TEX15: variants seen among roughly 807,000 people sequenced by gnomAD.
TEX15 encodes the protein testis expressed 15, meiosis and synapsis associated, also known as testis-expressed protein 15.
In TEX15, 171 loss-of-function variants were observed where a neutral mutation model predicts 237.3. The observed-to-expected ratio is 0.72, with a 90% CI of 0.64 to 0.82. The LOEUF (loss-of-function observed/expected upper bound fraction) is 0.82. TEX15 is among the 40% of genes least tolerant of loss of function. The pLI is 0.00. For missense variants in TEX15, 3,750 were observed against 3,646.5 expected, an observed-to-expected ratio of 1.03 and a Z score of -0.73; for synonymous variants, 1,338 against 1,269.8, an observed-to-expected ratio of 1.05 and a Z score of -1.14.
chr8:30,834,510 G>A (rs967808737), intron 10 of TEX15, among the ~76,000 whole-genome samples: 3 of 152,116 alleles, frequency 2.0e-5, no homozygotes, highest in Non-Finnish European at 4.4e-5. Context: ...ATGTTCTTAG[G>A]TGAAAAATTT....
rs767322905 is a variant in TEX15 at position 30,846,593 on chromosome 8, C to T, written c.3574G>A (p.Glu1192Lys). 23 of 1,613,698 alleles carry T rather than the reference C, an allele frequency of 1.4e-5. No individual in the cohort carries two copies. The highest frequency in any genetic ancestry group is 4.0e-5 in the African/African-American group (3 of 74,904). Residue 1192 changes from glutamate to lysine, a missense_variant, in exon 8 of 11, where the codon GAA (glutamate) becomes AAA (lysine). Coordinates refer to ENST00000643185, the MANE Select transcript of TEX15 (RefSeq NM_001350162.2). ...ATTTCTCCATCTTCCTTATTTATTT[C>T]CGGTTTTGTGGCTTCAGTTACATGT... is the stretch of plus-strand genomic sequence containing the variant. ...CTHVTEATKP[E>K]INKEDGEILG...
chr8:30,890,599 C>A (rs1017424676), intron 2 of TEX15: 5 of 152,170 alleles, frequency 3.3e-5, no homozygotes, highest in Non-Finnish European at 1.5e-5. Flanking sequence ...CGTGGCCTCT[C>A]TCTGTTTAAC....
Position 30,860,050 on chromosome 8 carries a change from A to C in TEX15, c.548T>G (p.Phe183Cys), listed in dbSNP as rs1808009662. The C allele has an allele frequency of 1.4e-6, 2 of 1,480,362 alleles. No individual in the cohort carries two copies. Among genetic ancestry groups the C allele is most frequent in the African/African-American group, 2.9e-5 (2 of 69,236 alleles). The allele number at this position is 1,480,362 out of a possible 1,614,324, so 91.7% of individuals were successfully genotyped here. A position where few individuals can be genotyped will look rare whatever the true frequency, so the allele number is the denominator to read the frequency against. ...AGGTTGGATTTTCTTCACTTTTCCA[A>C]AGAGAACCTAAAAAAAAAAAAGCCA... ...VESILIFKVL[F>C]GKVKKIQPSV... Residue 183 changes from phenylalanine to cysteine, a missense_variant, in exon 6 of 11, where the codon TTT (phenylalanine) becomes TGT (cysteine). Transcript: ENST00000643185.
rs757405484 is a variant in TEX15, at chr8:30,837,620, C to A, written c.8664G>T (p.Val2888=). The part of the protein sequence containing the change: ...DINPETDVSL[V]PDASVLSKPI... Reference sequence around the variant, plus strand: ...GCTTTGAGAGCACCGACGCATCAGGCACAAGAGAAACATCAGTTTCTGGGT... The same window carrying A: ...GCTTTGAGAGCACCGACGCATCAGGAACAAGAGAAACATCAGTTTCTGGGT... Residue 2888 remains valine, a synonymous_variant, in exon 10 of 11, where the codon GTG becomes GTT. Transcript: ENST00000643185. 13 of 1,614,052 alleles carry A rather than the reference C, an allele frequency of 8.1e-6. No homozygotes were observed. In the South Asian group the frequency reaches 1.4e-4, roughly 18 times the overall value.
At chr8:30,889,743 T>C (rs1362178286) in intron 2 of TEX15, among the ~76,000 whole-genome samples, 3 of 151,922 alleles carry the variant, frequency 2.0e-5, no homozygotes, top group Non-Finnish European at 2.9e-5. Flanking sequence ...ACTTCAACCA[T>C]GTTAAAGTGA....
rs777407061 is a variant in TEX15, at chr8:30,843,811, C to A, written c.6356G>T (p.Gly2119Val). Residue 2119 changes from glycine (G) to valine (V), a missense_variant, in exon 8 of 11, where the codon GGA (glycine) becomes GTA (valine). By Grantham distance (109) the Gly-to-Val change is moderately radical (BLOSUM62 -3). Transcript: ENST00000643185. ...ATAGAAATTAGACTGCTGTTGAAAT[C>A]CACGTGGTTTTCCAAGAAGCTCAGC... ...LYAELLGKPR[G>V]FQQQSNFYPG... The A allele has an allele frequency of 6.2e-7, 1 of 1,613,056 alleles. No homozygotes were observed. The highest frequency in any genetic ancestry group is 1.1e-5 in the South Asian group (1 of 90,862).
At chr8:30,897,142 G>A (rs1030552816) in intron 2 of TEX15, among the ~76,000 whole-genome samples, 4 of 152,094 alleles carry the variant, frequency 2.6e-5, no homozygotes, top group African/African-American at 9.7e-5. Context: ...ACAAGAAGTC[G>A]GCAGACGTAG....
chr8:30,874,876 TA>T (rs1808369404), intron 4 of TEX15, 60 bp downstream of exon 4: 1 of 1,035,936 alleles, frequency 9.7e-7, no homozygotes, highest in Non-Finnish European at 1.2e-6. Flanking sequence ...TGAATTAGCA[TA>T]AAACTCCATA....
chr8:30,864,242 A>C (rs1188650964), intron 5 of TEX15, among the ~76,000 whole-genome samples: 2 of 151,562 alleles, frequency 1.3e-5, no homozygotes, highest in East Asian at 3.9e-4. Flanking sequence ...TAAAGATTGG[A>C]AAACGAAAAT....
chr8:30,864,616 C>CA (rs1808119677), intron 5 of TEX15, among the ~76,000 whole-genome samples: 1 of 113,640 alleles, frequency 8.8e-6, no homozygotes, highest in African/African-American at 3.7e-5. Context: ...TTTCCCAGAC[C>CA]AGAAAAAAAA....
chr8:30,883,950 AT>A (rs1396515049), intron 3 of TEX15, among the ~76,000 whole-genome samples: 3 of 152,148 alleles, frequency 2.0e-5, no homozygotes, highest in African/African-American at 7.2e-5. Flanking sequence ...GGTTGAACTA[AT>A]TTACATTTAC....
In TEX15 at chr8:30,844,832, G is replaced by A; in HGVS notation, c.5335C>T (p.His1779Tyr). Residue 1779 changes from histidine to tyrosine, a missense_variant, in exon 8 of 11, where the codon CAT becomes TAT. His to Tyr is a moderately conservative substitution (Grantham distance 83). Transcript: ENST00000643185. Reference sequence around the variant, plus strand: ...ACATTTGTTTCATTCCCATCTGTATGGAGGCAATTACCTGAAGAGCACTGT... The same window carrying A: ...ACATTTGTTTCATTCCCATCTGTATAGAGGCAATTACCTGAAGAGCACTGT... ...TEQCSSGNCL[H>Y]TDGNETNVTE... The A allele has an allele frequency of 6.2e-7, 1 of 1,613,470 alleles. No homozygotes were observed. The highest frequency in any genetic ancestry group is 8.5e-7 in the Non-Finnish European group (1 of 1,179,586).
intron 9 of TEX15, among the ~76,000 whole-genome samples, chr8:30,839,154 T>C (rs1019513219): frequency 2.6e-5 from 4 of 151,968 alleles, no homozygotes; most frequent in African/African-American, 4.8e-5. Flanking sequence ...AATTCTTAAA[T>C]TGTATGAGGA....
intron 2 of TEX15, among the ~76,000 whole-genome samples, chr8:30,890,033 G>A (rs1808765852): frequency 6.7e-6 from 1 of 148,310 alleles, no homozygotes. Context: ...CTGGAGTCCT[G>A]GGCTATTCTA....
chr8:30,887,160 A>C lies in TEX15; in HGVS notation c.136+7T>G. The C allele has an allele frequency of 6.6e-7, 1 of 1,526,132 alleles. No homozygotes were observed. The highest frequency in any genetic ancestry group is 8.7e-7 in the Non-Finnish European group (1 of 1,144,150). The allele number at this position is 1,526,132 out of a possible 1,614,324, so 94.5% of individuals were successfully genotyped here. ...ACTAAAAAAATTCCCAACCACAGAA[A>C]TATTACCTTTCTCAGCTGTCCTCCT... On this transcript the variant is annotated splice_region_variant and intron_variant, in intron 3 of 10. Transcript: ENST00000643185.
At chr8:30,873,565 C>T (rs1403004992) in intron 4 of TEX15, among the ~76,000 whole-genome samples, 2 of 152,034 alleles carry the variant, frequency 1.3e-5, no homozygotes, top group Non-Finnish European at 1.5e-5. Context: ...TCCTCATTGC[C>T]CTCTTCCCTT....
rs574887361 is a variant in TEX15, at chr8:30,834,917, C to A, written c.9482-1594G>T. Among the ~76,000 whole-genome samples, 13 of 152,296 alleles carry A rather than the reference C, an allele frequency of 8.5e-5. No homozygotes were observed. The South Asian group carries it at 2.7e-3, about 32-fold the overall frequency. On this transcript the variant is annotated intron_variant, in intron 10 of 10. Coordinates refer to ENST00000643185, the MANE Select transcript of TEX15 (RefSeq NM_001350162.2). ...TTGCCCAATTCAGACCTATGTCCTA[C>A]GGCCTCTCAGTTTTTTCTACATATC... is the stretch of plus-strand genomic sequence containing the variant.
intron 3 of TEX15, among the ~76,000 whole-genome samples, chr8:30,878,907 G>C (rs1231055463): frequency 1.3e-5 from 2 of 152,198 alleles, no homozygotes; most frequent in Non-Finnish European, 1.5e-5. Context: ...CAATACACAA[G>C]TGAGTTGTTG....
rs567846200 is a variant in TEX15 at position 30,878,588 on chromosome 8, T to C, written c.137-3486A>G. Reference sequence around the variant, plus strand: ...TTTTAGTCAAGATGCGGTTTCTCCATGTTGGTCAGGCTGGTCTTGAACTCC... The same window carrying C: ...TTTTAGTCAAGATGCGGTTTCTCCACGTTGGTCAGGCTGGTCTTGAACTCC... On this transcript the variant is annotated intron_variant, in intron 3 of 10. Transcript: ENST00000643185. 3.0e-4 allele frequency among the ~76,000 whole-genome samples: 45 copies of C among 152,248 alleles called. 1 individual carries two copies. In the South Asian group the frequency reaches 6.4e-3, roughly 22 times the overall value.
Sources: gnomAD v4.1 joint callset for allele counts (sites outside exome capture counted in the v4.1 genomes callset) on GRCh38, gnomAD v4.1.1 for gene constraint, MANE v1.5 for transcripts, NCBI Gene and HGNC (gene_info 2026-07-23, HGNC 2026-07-21) for gene names.